The following SCN11A variants were observed in gnomAD, a reference collection of about 807,000 sequenced individuals.
SCN11A encodes the protein sodium channel protein type 11 subunit alpha.
SCN11A carries 122 observed loss-of-function variants against 162.2 expected under a neutral mutation model. The observed-to-expected ratio is 0.75, with a 90% CI of 0.65 to 0.87. The LOEUF is 0.87. SCN11A is among the 40% of genes least tolerant of loss of function. The pLI is 0.00. For missense variants in SCN11A, 2,015 were observed against 2,181.6 expected, an observed-to-expected ratio of 0.92 and a Z score of 1.52; for synonymous variants, 758 against 751.5, an observed-to-expected ratio of 1.01 and a Z score of -0.14.
intron 4 of SCN11A, among the ~76,000 whole-genome samples, chr3:38,950,761 C>T (rs890954448): frequency 2.0e-5 from 3 of 152,130 alleles, no homozygotes; most frequent in African/African-American, 7.2e-5. Flanking sequence ...GGCCACATGG[C>T]CCAAACAAGA....
In SCN11A at chr3:38,962,490, C is replaced by G. The variant is rs538373947; in HGVS notation, c.-279-2067G>C. Among the ~76,000 whole-genome samples, 58 of 152,204 alleles carry G rather than the reference C, an allele frequency of 3.8e-4. 1 individual carries two copies. The highest frequency in any genetic ancestry group is 7.2e-4 in the Non-Finnish European group (49 of 68,000). ...TCATTTTCACAATATTGATTCTACC[C>G]ATCCATGAGCATGGGATGTGTTTCC... On this transcript the variant is annotated intron_variant, in intron 2 of 29. Coordinates refer to ENST00000302328, the MANE Select transcript of SCN11A (RefSeq NM_001349253.2).
intron 19 of SCN11A, among the ~76,000 whole-genome samples, chr3:38,889,979 A>C (rs1188521274): frequency 6.6e-6 from 1 of 151,944 alleles, no homozygotes; most frequent in African/African-American, 2.4e-5. Flanking sequence ...TATGGAAAAA[A>C]AAAAAAGCAG....
At chr3:38,900,888 T>G (rs754297375) in intron 16 of SCN11A, among the ~76,000 whole-genome samples, 10 of 152,160 alleles carry the variant, frequency 6.6e-5, no homozygotes, top group Admixed American at 3.9e-4. Context: ...TTAAGAAATA[T>G]GTAAAAATGT....
chr3:38,872,131 C>T, intron 24 of SCN11A, 62 bp downstream of exon 24: 2 of 994,068 alleles, frequency 2.0e-6, no homozygotes, highest in South Asian at 1.3e-5. Context: ...CCAAAAAGAA[C>T]TGTTGGTCTT....
Position 38,882,675 on chromosome 3 carries a change from G to A in SCN11A, c.3219+558C>T, listed in dbSNP as rs192892631. 2.5e-3 allele frequency among the ~76,000 whole-genome samples: 387 copies of A among 152,188 alleles called. 2 individuals carry two copies. Among genetic ancestry groups the A allele is most frequent in the African/African-American group, 9.1e-3 (378 of 41,520 alleles). On this transcript the variant is annotated intron_variant, in intron 22 of 29. Transcript: ENST00000302328. Reference sequence around the variant, plus strand: ...TAGCTCTATGGCTATAGAAGCTGATGGGTTCAGAGTTATTTCTAAATCTCA... The same window carrying A: ...TAGCTCTATGGCTATAGAAGCTGATAGGTTCAGAGTTATTTCTAAATCTCA...
chr3:38,939,582 C>T (rs2066408711), intron 7 of SCN11A, among the ~76,000 whole-genome samples: 1 of 152,130 alleles, frequency 6.6e-6, no homozygotes, highest in Non-Finnish European at 1.5e-5. Context: ...CTTTCTTTCT[C>T]CCAGAATACC....
At chr3:38,916,688 C>T (rs181462845) in intron 11 of SCN11A, among the ~76,000 whole-genome samples, 2 of 152,276 alleles carry the variant, frequency 1.3e-5, no homozygotes, top group Non-Finnish European at 2.9e-5. Flanking sequence ...TCCCTATATG[C>T]TCTTGTGCTC....
Position 38,986,612 on chromosome 3 carries a change from T to TTC in SCN11A, c.-279-26191_-279-26190dup, listed in dbSNP as rs59541535. 2.8e-3 allele frequency among the ~76,000 whole-genome samples: 424 copies of TTC among 151,524 alleles called. 3 individuals carry two copies. The highest frequency in any genetic ancestry group is 9.7e-3 in the African/African-American group (403 of 41,468). ...GATGCAAGTATCTCTCCCTCCCTCC[T>TTC]TCTCTCTCTCTCTCTGTGTGTGTGT... On this transcript the variant is annotated intron_variant, in intron 2 of 29. Coordinates refer to ENST00000302328, the MANE Select transcript of SCN11A (RefSeq NM_001349253.2).
chr3:38,995,272 C>G (rs1474017432), intron 2 of SCN11A, among the ~76,000 whole-genome samples: 1 of 152,064 alleles, frequency 6.6e-6, no homozygotes, highest in Non-Finnish European at 1.5e-5. Context: ...AGGCACCCAC[C>G]ACCATGCCCA....
chr3:39,008,121 C>A (rs2031026929), intron 2 of SCN11A, among the ~76,000 whole-genome samples: 3 of 152,116 alleles, frequency 2.0e-5, no homozygotes, highest in Admixed American at 2.0e-4. Flanking sequence ...TATTTTAATA[C>A]TAAAAGTTCT....
At position 38,864,803 on chromosome 3, in the gene SCN11A, T is replaced by C. The variant is rs368952295; in HGVS notation, c.3952-1504A>G. On this transcript the variant is annotated intron_variant, in intron 27 of 29. Transcript: ENST00000302328. ...CGTGGCATTTCAGAGAACAAGAAAG[T>C]TGTCAAATGGAAAGACCTTATGTAT... Among the ~76,000 whole-genome samples, 9 of 152,232 alleles carry C rather than the reference T, an allele frequency of 5.9e-5. No homozygotes were observed. The South Asian group carries it at 1.7e-3, about 28-fold the overall frequency.
At chr3:38,859,319 A>G (rs2064924444) in intron 28 of SCN11A, among the ~76,000 whole-genome samples, 1 of 152,126 alleles carries the variant, frequency 6.6e-6, no homozygotes, top group Non-Finnish European at 1.5e-5. Context: ...AAGCTCAATT[A>G]AAAATGATAC....
chr3:38,896,949 CG>C lies in SCN11A; in HGVS notation c.2298del (p.Cys766TrpfsTer28). ...HSFLVVFRIL[C>X]GEWIENMWEC... ...TCCCACATATTTTCGATCCATTCCC[CG>C]CAGAGGATGCGGAATACCACTAGGA... On this transcript the variant is annotated frameshift_variant, in exon 18 of 30. Transcript: ENST00000302328. LOFTEE classifies it high-confidence loss of function. The C allele has an allele frequency of 6.2e-7, 1 of 1,614,066 alleles. No individual in the cohort carries two copies. Among genetic ancestry groups the C allele is most frequent in the South Asian group, 1.1e-5 (1 of 91,074 alleles).
chr3:38,969,831 C>T (rs1275130970), intron 2 of SCN11A, among the ~76,000 whole-genome samples: 1 of 152,242 alleles, frequency 6.6e-6, no homozygotes, highest in Non-Finnish European at 1.5e-5. Flanking sequence ...CTTAAGTTAA[C>T]TGCTTAATGC....
chr3:38,937,154 A>G (rs2125564462), intron 7 of SCN11A, among the ~76,000 whole-genome samples: 1 of 152,096 alleles, frequency 6.6e-6, no homozygotes, highest in Non-Finnish European at 1.5e-5. Context: ...GGTGCTGGGA[A>G]AACTGGCTAG....
chr3:39,036,051 T>C (rs904180849), intron 1 of SCN11A, among the ~76,000 whole-genome samples: 2 of 152,220 alleles, frequency 1.3e-5, no homozygotes, highest in African/African-American at 2.4e-5. Flanking sequence ...ATGCCAAATT[T>C]AGTGCAGAAA....
intron 2 of SCN11A, among the ~76,000 whole-genome samples, chr3:39,007,352 C>T (rs2031006815): frequency 6.6e-6 from 1 of 152,194 alleles, no homozygotes; most frequent in African/African-American, 2.4e-5. Context: ...TTTGTTATAA[C>T]ATTGGGTCTT....
At chr3:38,852,295 C>T (rs573253159) in intron 28 of SCN11A, among the ~76,000 whole-genome samples, 4 of 152,226 alleles carry the variant, frequency 2.6e-5, no homozygotes, top group African/African-American at 9.6e-5. Context: ...ACTAGAAAGT[C>T]AAGTGCCTTT....
rs1401813915 is a variant in SCN11A, at chr3:38,845,811, AT to A, written c.*882del. On this transcript the variant is annotated 3_prime_UTR_variant, in exon 30 of 30. Coordinates refer to ENST00000302328, the MANE Select transcript of SCN11A (RefSeq NM_001349253.2). ...CTTTATTGAATTTATATATATATAT[AT>A]ATCTGAGATGGTAGCTTGTGAAAGG... is the stretch of plus-strand genomic sequence containing the variant. 5.3e-5 allele frequency: 8 copies of A among 152,292 alleles called. No homozygotes were observed. The highest frequency in any genetic ancestry group is 1.9e-4 in the African/African-American group (8 of 41,552). The allele number at this position is 152,292 out of a possible 1,614,324, so 9.4% of individuals were successfully genotyped here.
Sources: allele counts gnomAD v4.1 joint callset (sites outside exome capture counted in the v4.1 genomes callset), GRCh38; gene constraint gnomAD v4.1.1; transcripts MANE v1.5; gene names NCBI Gene and HGNC (gene_info 2026-07-23, HGNC 2026-07-21).